Variants in CEACAM8 observed in about 807,000 individuals in gnomAD.
CEACAM8 encodes the protein cell adhesion molecule CEACAM8.
In CEACAM8, 31 loss-of-function variants were observed where a neutral mutation model predicts 33.4. The ratio of observed to expected loss-of-function variants is 0.93; its 90% CI spans 0.70 to 1.25. The LOEUF (loss-of-function observed/expected upper bound fraction) is 1.25. Ranked by LOEUF, CEACAM8 falls within the 50% of genes most tolerant of loss-of-function variation. The pLI is 0.00. For missense variants in CEACAM8, 388 were observed against 434.6 expected (o/e 0.89, Z 0.95); for synonymous variants, 138 against 164.5 (o/e 0.84, Z 1.23).
Position 42,583,163 on chromosome 19 carries a change from G to A in CEACAM8, c.*40+43C>T, listed in dbSNP as rs1347823045. ...ACAGGTCTCTCTCCCAAGCATGGCG[G>A]TCAGCCCTGCAGGAAACAGGACAAG... On this transcript the variant is annotated intron_variant, in intron 5 of 5. Coordinates refer to ENST00000244336, the MANE Select transcript of CEACAM8 (RefSeq NM_001816.4). 1.7e-5 allele frequency: 15 copies of A among 862,008 alleles called. 1 individual carries two copies. The highest frequency in any genetic ancestry group is 2.5e-5 in the Non-Finnish European group (13 of 522,958). The allele number at this position is 862,008 out of a possible 1,614,324, so 53.4% of individuals were successfully genotyped here.
rs145626522 is a variant in CEACAM8, at chr19:42,593,603, G to T, written c.362C>A (p.Thr121Asn). 9.9e-6 allele frequency: 16 copies of T among 1,610,882 alleles called. No homozygotes were observed. The African/African-American group carries it at 2.0e-4, about 20-fold the overall frequency. Reference protein sequence around the residue: ...NVTRNDTGSYTLQVIKLNLMS... With the variant: ...NVTRNDTGSYNLQVIKLNLMS... ...AAGATTTAGCTTTATGACTTGTAGGGTGTAGGATCCTGTGTCATTTCTGGT... is the reference window on the plus strand; with the variant it reads ...AAGATTTAGCTTTATGACTTGTAGGTTGTAGGATCCTGTGTCATTTCTGGT... Residue 121 changes from threonine (T) to asparagine (N), a missense_variant, in exon 2 of 6, where the codon ACC (threonine) becomes AAC (asparagine). Coordinates refer to ENST00000244336, the MANE Select transcript of CEACAM8 (RefSeq NM_001816.4).
intron 4 of CEACAM8, among the ~76,000 whole-genome samples, chr19:42,587,815 A>C (rs2042361802): frequency 6.6e-6 from 1 of 152,150 alleles, no homozygotes; most frequent in Non-Finnish European, 1.5e-5. Flanking sequence ...GACCAGCCTG[A>C]TCAACATGGA....
intron 4 of CEACAM8, among the ~76,000 whole-genome samples, chr19:42,587,067 A>T (rs960741060): frequency 8.6e-5 from 13 of 151,700 alleles, no homozygotes; most frequent in African/African-American, 2.4e-4. Flanking sequence ...GGCTTTGATT[A>T]AAAAAAAACC....
chr19:42,589,622 C>T lies in CEACAM8; in HGVS notation c.538G>A (p.Val180Ile). The T allele has an allele frequency of 6.2e-7, 1 of 1,614,224 alleles. No homozygotes were observed. Among genetic ancestry groups the T allele is most frequent in the Non-Finnish European group, 8.5e-7 (1 of 1,180,040 alleles). The change falls in exon 3 of 6, where the codon GTA becomes ATA. Residue 180 changes from valine (V) to isoleucine (I), a missense_variant. Val to Ile is a conservative substitution (Grantham distance 29). Transcript: ENST00000244336. ...CTGACCGGGAGACTCTGACCATTTA[C>T]CCACCACAGGTAGGTTGTGTTCTGA... ...ETQNTTYLWW[V>I]NGQSLPVSPR... is the part of the protein sequence containing the mutation.
intron 5 of CEACAM8, among the ~76,000 whole-genome samples, chr19:42,582,190 A>G (rs1248267956): frequency 5.3e-5 from 8 of 151,892 alleles, no homozygotes; most frequent in Admixed American, 1.3e-4. Context: ...AAAATTACCA[A>G]TGCCTGGGTC....
Position 42,594,656 on chromosome 19 carries a change from C to T in CEACAM8, c.64+109G>A, listed in dbSNP as rs537416815. 131 of 812,242 alleles carry T rather than the reference C, an allele frequency of 1.6e-4. 2 individuals carry two copies. The Middle Eastern group carries it at 1.6e-3, about 10-fold the overall frequency. The allele number at this position is 812,242 out of a possible 1,614,324, so 50.3% of individuals were successfully genotyped here. ...TCTTGTGTCCTCTCCTCTATTAAGGCTCCAACAGAAGTCCTCTGTCCCCTC... is the reference window on the plus strand; with the variant it reads ...TCTTGTGTCCTCTCCTCTATTAAGGTTCCAACAGAAGTCCTCTGTCCCCTC... On this transcript the variant is annotated intron_variant, in intron 1 of 5. Coordinates refer to ENST00000244336, the MANE Select transcript of CEACAM8 (RefSeq NM_001816.4).
At position 42,581,750 on chromosome 19, in the gene CEACAM8, C is replaced by T. The variant is rs1038197546; in HGVS notation, c.*41-397G>A. Among the ~76,000 whole-genome samples the T allele has an allele frequency of 6.0e-5, 9 of 150,640 alleles. 1 individual carries two copies. The highest frequency in any genetic ancestry group is 4.2e-4 in the South Asian group (2 of 4,762). ...ACTAAAAATAGAAAAATTAGCTGGG[C>T]GTGGTGGCAGGTGCCTGTAATCCCA... On this transcript the variant is annotated intron_variant, in intron 5 of 5. Coordinates refer to ENST00000244336, the MANE Select transcript of CEACAM8 (RefSeq NM_001816.4).
chr19:42,589,549 C>T lies in CEACAM8; in HGVS notation c.611G>A (p.Ser204Asn), dbSNP rs145018591. 10 of 1,614,054 alleles carry T rather than the reference C, an allele frequency of 6.2e-6. No individual in the cohort carries two copies. In the African/African-American group the frequency reaches 1.3e-4, roughly 22 times the overall value. The change falls in exon 3 of 6, where the codon AGT (serine) becomes AAT (asparagine). Residue 204 changes from serine to asparagine, a missense_variant. Ser to Asn is a conservative substitution (Grantham distance 46). Transcript: ENST00000244336. Reference sequence around the variant, plus strand: ...GGGTCCTACGTCATTCCTTGTGACACTGAGTAGAGTGAGGGTCCTGTTGCC... The same window carrying T: ...GGGTCCTACGTCATTCCTTGTGACATTGAGTAGAGTGAGGGTCCTGTTGCC... ...SNGNRTLTLL[S>N]VTRNDVGPYE... is the part of the protein sequence containing the mutation.
intron 2 of CEACAM8, among the ~76,000 whole-genome samples, chr19:42,592,282 C>T (rs562754214): frequency 4.1e-4 from 62 of 151,938 alleles, no homozygotes; most frequent in African/African-American, 1.4e-3. Context: ...CCTGTGCCTC[C>T]GTTTCTTCTC....
At position 42,589,027 on chromosome 19, in the gene CEACAM8, C is replaced by A; in HGVS notation, c.715G>T (p.Ala239Ser). ...GTGTCTGAAGGGGAAATGGTGGGGG[C>A]ATCTGGGCCATCTAGAGCAAAAGAA... ...VTLNVLYGPD[A>S]PTISPSDTYY... is the part of the protein sequence containing the mutation. The change falls in exon 4 of 6, where the codon GCC (alanine) becomes TCC (serine). Residue 239 changes from alanine (A) to serine (S), a missense_variant. Ala to Ser is a moderately conservative substitution (Grantham distance 99, BLOSUM62 1). Transcript: ENST00000244336. 1.9e-6 allele frequency: 3 copies of A among 1,612,830 alleles called. No homozygotes were observed. The highest frequency in any genetic ancestry group is 2.5e-6 in the Non-Finnish European group (3 of 1,179,044).
Position 42,583,355 on chromosome 19 carries a change from G to T in CEACAM8, c.959-18C>A. ...TAAAGCATCTGTCATGGAAAGAAAA[G>T]AAGAGAAGGAATGAAGTTGATGCCA... On this transcript the variant is annotated intron_variant, in intron 4 of 5. Coordinates refer to ENST00000244336, the MANE Select transcript of CEACAM8 (RefSeq NM_001816.4). The T allele has an allele frequency of 6.4e-7, 1 of 1,563,816 alleles. No individual in the cohort carries two copies. The highest frequency in any genetic ancestry group is 8.8e-7 in the Non-Finnish European group (1 of 1,135,342).
At chr19:42,589,420 T>C (rs779766850) in intron 3 of CEACAM8, 37 bp downstream of exon 3, 1 of 1,613,492 alleles carries the variant, frequency 6.2e-7, no homozygotes, top group South Asian at 1.1e-5. Context: ...GGATTTGGGC[T>C]GGTGGCCTGG....
intron 4 of CEACAM8, among the ~76,000 whole-genome samples, chr19:42,585,747 GA>G (rs1358257109): frequency 6.6e-6 from 1 of 152,020 alleles, no homozygotes; most frequent in Non-Finnish European, 1.5e-5. Flanking sequence ...CCTAGCCAGA[GA>G]AATTAGGCAA....
chr19:42,593,615 G>A lies in CEACAM8; in HGVS notation c.350C>T (p.Thr117Ile), dbSNP rs1435930236. 6.2e-7 allele frequency: 1 copy of A among 1,612,954 alleles called. No individual in the cohort carries two copies. The highest frequency in any genetic ancestry group is 2.2e-5 in the East Asian group (1 of 44,888). ...TATGACTTGTAGGGTGTAGGATCCT[G>A]TGTCATTTCTGGTGACGTTCCGCAT... Reference protein sequence around the residue: ...LLMRNVTRNDTGSYTLQVIKL... With the variant: ...LLMRNVTRNDIGSYTLQVIKL... Residue 117 changes from threonine to isoleucine, a missense_variant, in exon 2 of 6, where the codon ACA (threonine) becomes ATA (isoleucine). Physicochemically the swap from Thr to Ile is moderately conservative, Grantham distance 89. Coordinates refer to ENST00000244336, the MANE Select transcript of CEACAM8 (RefSeq NM_001816.4).
At position 42,588,875 on chromosome 19, in the gene CEACAM8, G is replaced by C; in HGVS notation, c.867C>G (p.Ile289Met). ...QYTQKLFIPN[I>M]TTKNSGSYAC... ...CATAGGATCCGCTGTTCTTTGTAGT[G>C]ATGTTGGGGATAAAGAGCTTTTGTG... The change falls in exon 4 of 6, where the codon ATC (isoleucine) becomes ATG (methionine). Residue 289 changes from isoleucine (I) to methionine (M), a missense_variant. By Grantham distance (10) the Ile-to-Met change is conservative (BLOSUM62 1). Coordinates refer to ENST00000244336, the MANE Select transcript of CEACAM8 (RefSeq NM_001816.4). 6.2e-7 allele frequency: 1 copy of C among 1,614,210 alleles called. No homozygotes were observed. Among genetic ancestry groups the C allele is most frequent in the Non-Finnish European group, 8.5e-7 (1 of 1,180,032 alleles).
chr19:42,582,936 C>G (rs968053034), intron 5 of CEACAM8: 1 of 288,574 alleles, frequency 3.5e-6, no homozygotes, highest in African/African-American at 2.2e-5. Flanking sequence ...TAAAATGACA[C>G]AAGTGAGAGA....
At chr19:42,585,327 A>C (rs1354756457) in intron 4 of CEACAM8, among the ~76,000 whole-genome samples, 4 of 148,662 alleles carry the variant, frequency 2.7e-5, no homozygotes, top group South Asian at 2.1e-4. Context: ...AAAAAAAAAA[A>C]AACAAACAAA....
At chr19:42,590,778 G>C (rs867784943) in intron 2 of CEACAM8, among the ~76,000 whole-genome samples, 1 of 152,154 alleles carries the variant, frequency 6.6e-6, no homozygotes, top group South Asian at 2.1e-4. Flanking sequence ...GGCTGGGAGT[G>C]GGGGGAATGG....
intron 2 of CEACAM8, 128 bp downstream of exon 2, chr19:42,593,413 C>G: frequency 8.0e-7 from 1 of 1,254,846 alleles, no homozygotes; most frequent in Non-Finnish European, 1.1e-6. Flanking sequence ...GTGTCCTGCA[C>G]TAAATGTCCA....
Sources: allele counts gnomAD v4.1 joint callset (sites outside exome capture counted in the v4.1 genomes callset), GRCh38; gene constraint gnomAD v4.1.1; transcripts MANE v1.5; gene names NCBI Gene and HGNC (gene_info 2026-07-23, HGNC 2026-07-21).